Variants in SEMA5B observed in about 807,000 individuals in gnomAD.
The protein encoded by SEMA5B is semaphorin-5B.
A neutral mutation model predicts 135.0 loss-of-function variants in SEMA5B; 66 were observed. The observed-to-expected ratio is 0.49, with a 90% CI of 0.40 to 0.60. The LOEUF (loss-of-function observed/expected upper bound fraction) is 0.60. SEMA5B is among the 20% of genes least tolerant of loss of function. The pLI is 0.00. For missense variants in SEMA5B, 1,501 were observed against 1,566.3 expected, an observed-to-expected ratio of 0.96 and a Z score of 0.70; for synonymous variants, 690 against 639.5, an observed-to-expected ratio of 1.08 and a Z score of -1.19.
intron 8 of SEMA5B, among the ~76,000 whole-genome samples, chr3:122,927,242 A>G (rs1373244529): frequency 2.0e-5 from 3 of 152,170 alleles, no homozygotes; most frequent in Non-Finnish European, 4.4e-5. Context: ...GCTGGAGTTC[A>G]GGGATGCGAT....
chr3:122,994,713 G>A (rs891699337), intron 1 of SEMA5B, among the ~76,000 whole-genome samples: 8 of 152,230 alleles, frequency 5.3e-5, no homozygotes, highest in Non-Finnish European at 1.0e-4. Context: ...GACCAGGAGT[G>A]TAAATGTATC....
At chr3:123,002,864 G>A (rs1942215263) in intron 1 of SEMA5B, among the ~76,000 whole-genome samples, 3 of 152,090 alleles carry the variant, frequency 2.0e-5, no homozygotes, top group Admixed American at 2.0e-4. Context: ...CAGTCCTTTG[G>A]TTTTCTTATC....
chr3:122,999,315 C>T lies in SEMA5B; in HGVS notation c.-39+28149G>A, dbSNP rs1482917201. ...GATCTCAGCTCACTGCAACATCTGC[C>T]TCCCGGGTTCAAGCGATTCTCGTTA... On this transcript the variant is annotated intron_variant, in intron 1 of 22. Transcript: ENST00000357599. Among the ~76,000 whole-genome samples the T allele has an allele frequency of 2.6e-5, 4 of 152,258 alleles. No individual in the cohort carries two copies. In the East Asian group the frequency reaches 7.7e-4, roughly 29 times the overall value.
chr3:122,972,606 T>C lies in SEMA5B; in HGVS notation c.-38-11305A>G, dbSNP rs186021208. On this transcript the variant is annotated intron_variant, in intron 1 of 22. Transcript: ENST00000357599. ...CTCCAGATGATCCCACAGATGTAACTGGGCCAGCACTGGGGAGAGAGACCC... is the reference window on the plus strand; with the variant it reads ...CTCCAGATGATCCCACAGATGTAACCGGGCCAGCACTGGGGAGAGAGACCC... Among the ~76,000 whole-genome samples the C allele has an allele frequency of 2.3e-3, 353 of 152,334 alleles. 2 individuals carry two copies. Among genetic ancestry groups the C allele is most frequent in the African/African-American group, 8.2e-3 (339 of 41,578 alleles).
At position 122,961,463 on chromosome 3, in the gene SEMA5B, A is replaced by T. The variant is rs574624097; in HGVS notation, c.-38-162T>A. Among the ~76,000 whole-genome samples the T allele has an allele frequency of 2.1e-3, 310 of 150,796 alleles. 2 individuals carry two copies. Among genetic ancestry groups the T allele is most frequent in the African/African-American group, 7.1e-3 (292 of 41,074 alleles). On this transcript the variant is annotated intron_variant, in intron 1 of 22. Transcript: ENST00000357599. ...TCACCACAGTAATGGCTTGAAACAA[A>T]CTTTTTTTTTTTTTTAGGCGGGGTC...
intron 14 of SEMA5B, 104 bp from the exon 15 acceptor site, chr3:122,914,105 G>A: frequency 1.6e-6 from 2 of 1,262,662 alleles, no homozygotes; most frequent in Non-Finnish European, 2.1e-6. Flanking sequence ...GTCAGAAAGG[G>A]CTGGACAGTG....
At chr3:122,911,558 G>T (rs1281062924) in intron 20 of SEMA5B, 23 bp from the exon 21 acceptor site, 3 of 1,605,746 alleles carry the variant, frequency 1.9e-6, no homozygotes, top group Middle Eastern at 3.9e-4. Context: ...CAGTGGACAG[G>T]GTGTCAGGGG....
intron 1 of SEMA5B, among the ~76,000 whole-genome samples, chr3:123,013,937 C>T (rs4677989): frequency 6.6e-6 from 1 of 152,226 alleles, no homozygotes. Flanking sequence ...CTTCTGTCTT[C>T]CCCATTCCAC....
chr3:122,934,645 T>G (rs961751217), intron 5 of SEMA5B, among the ~76,000 whole-genome samples: 8 of 152,204 alleles, frequency 5.3e-5, no homozygotes, highest in African/African-American at 1.9e-4. Context: ...TTTAAAATTT[T>G]ATAAGACAAG....
chr3:122,969,549 T>C (rs900902682), intron 1 of SEMA5B, among the ~76,000 whole-genome samples: 1 of 152,208 alleles, frequency 6.6e-6, no homozygotes, highest in Non-Finnish European at 1.5e-5. Context: ...CTGATCGTAA[T>C]TCTCTATTCC....
In SEMA5B at chr3:122,963,499, A is replaced by AAAAAAAAG. The variant is rs764959695; in HGVS notation, c.-38-2199_-38-2198insCTTTTTTT. 3.3e-3 allele frequency among the ~76,000 whole-genome samples: 497 copies of AAAAAAAAG among 151,608 alleles called. 3 individuals are homozygous for AAAAAAAAG. The highest frequency in any genetic ancestry group is 0.011 in the African/African-American group (472 of 41,072). ...CAGAGCGAGTCTCTGACTCAAAAAA[A>AAAAAAAAG]AAAAAGAAAAAGAAAAAGAAAAAGA... On this transcript the variant is annotated intron_variant, in intron 1 of 22. Coordinates refer to ENST00000357599, the MANE Select transcript of SEMA5B (RefSeq NM_001031702.4).
At chr3:122,916,168 C>T (rs538570187) in intron 12 of SEMA5B, among the ~76,000 whole-genome samples, 18 of 152,166 alleles carry the variant, frequency 1.2e-4, no homozygotes, top group African/African-American at 1.7e-4. Flanking sequence ...GGACTCAAAC[C>T]CTCATCCTCC....
chr3:122,909,282 AGTGT>A lies in SEMA5B; in HGVS notation c.*857_*860del, dbSNP rs35400509. The A allele has an allele frequency of 6.1e-5, 9 of 148,634 alleles. No individual in the cohort carries two copies. The highest frequency in any genetic ancestry group is 3.9e-4 in the East Asian group (2 of 5,126). The allele number at this position is 148,634 out of a possible 1,614,324, so 9.2% of individuals were successfully genotyped here. On this transcript the variant is annotated 3_prime_UTR_variant, in exon 23 of 23. Coordinates refer to ENST00000357599, the MANE Select transcript of SEMA5B (RefSeq NM_001031702.4). The stretch of plus-strand genomic sequence containing the variant: ...AATTGTGATTGTGTGTGCGTGTGTG[AGTGT>A]GTGTGTGTGTGTGTTCCTGAACAGA...
At chr3:122,961,356 A>G in intron 1 of SEMA5B, 55 bp from the exon 2 acceptor site, 1 of 1,520,570 alleles carries the variant, frequency 6.6e-7, no homozygotes, top group South Asian at 1.2e-5. Context: ...CAGGCAAAAG[A>G]GATGAGGTCA....
At chr3:123,022,588 T>C (rs6768183) in intron 1 of SEMA5B, among the ~76,000 whole-genome samples, 22,368 of 152,170 alleles carry the variant, frequency 0.15, 2,646 homozygotes, top group African/African-American at 0.33. Context: ...GGTTAAACTC[T>C]CCTGACCCAG....
In SEMA5B at chr3:122,926,667, G is replaced by A. The variant is rs201263780; in HGVS notation, c.861C>T (p.Phe287=). The change falls in exon 9 of 23, where the codon TTC becomes TTT. Residue 287 remains phenylalanine (F), a synonymous_variant. Transcript: ENST00000357599. ...YNSKWLNEPN[F]VAAYDIGLFA... The stretch of plus-strand genomic sequence containing the variant: ...ACAGCCCAATATCATAGGCTGCCAC[G>A]AAGTTTGGCTCTGGGTGGGCAGAAG... The A allele has an allele frequency of 1.2e-5, 20 of 1,610,430 alleles. No homozygotes were observed. Among genetic ancestry groups the A allele is most frequent in the Middle Eastern group, 1.6e-4 (1 of 6,064 alleles).
At chr3:123,015,315 G>A (rs1942532376) in intron 1 of SEMA5B, among the ~76,000 whole-genome samples, 1 of 152,230 alleles carries the variant, frequency 6.6e-6, no homozygotes, top group South Asian at 2.1e-4. Context: ...AAGAGACCCT[G>A]GGGTGCTGGT....
intron 4 of SEMA5B, among the ~76,000 whole-genome samples, chr3:122,940,846 C>T (rs1261353743): frequency 6.6e-6 from 1 of 152,258 alleles, no homozygotes; most frequent in Non-Finnish European, 1.5e-5. Flanking sequence ...ATCCCACCCT[C>T]CTGGCCTGGG....
intron 1 of SEMA5B, 178 bp downstream of exon 1, chr3:123,027,286 G>C (rs1011508638): frequency 6.6e-6 from 1 of 152,438 alleles, no homozygotes; most frequent in African/African-American, 2.4e-5. Flanking sequence ...GGTGGCAGCG[G>C]GAGGCGCGGA....
Sources: gnomAD v4.1 joint callset for allele counts (sites outside exome capture counted in the v4.1 genomes callset) on GRCh38, gnomAD v4.1.1 for gene constraint, MANE v1.5 for transcripts, NCBI Gene and HGNC (gene_info 2026-07-23, HGNC 2026-07-21) for gene names.